TRIM14: variants seen among roughly 807,000 people sequenced by gnomAD.
TRIM14 encodes the protein tripartite motif containing 14.
Under a neutral mutation model 44.5 loss-of-function variants are expected in TRIM14, and 28 were observed. The observed-to-expected ratio is 0.63, with a 90% confidence interval of 0.47 to 0.86. The LOEUF is 0.86. Among genes scored for constraint, TRIM14 ranks in the 40% least tolerant of loss-of-function variants. TRIM14 has a pLI of 0.00. For synonymous variants in TRIM14, 299 were observed against 269.2 expected, an observed-to-expected ratio of 1.11 and a Z score of -1.08; for missense variants, 607 against 611.1, an observed-to-expected ratio of 0.99 and a Z score of 0.07.
At chr9:98,056,707 G>A in the TRIM14 span, 14 of 1,467,906 alleles carry the variant, frequency 9.5e-6, no homozygotes, top group Non-Finnish European at 1.3e-5. Context: ...GGCGGGGCTG[G>A]CGTGTGGGTC....
At chr9:98,077,986 C>CG (rs1479011936) in intron 6 of TRIM14, 17 of 616,868 alleles carry the variant, frequency 2.8e-5, no homozygotes, top group African/African-American at 5.5e-5. Flanking sequence ...AGAACACTGT[C>CG]GGGGGGCAGA....
chr9:98,092,395 T>A (rs940339742), intron 4 of TRIM14: 2 of 242,778 alleles, frequency 8.2e-6, no homozygotes, highest in Non-Finnish European at 1.7e-5. Flanking sequence ...CCCAGGGCCC[T>A]TGGCACTTGC....
downstream of TRIM14, among the ~76,000 whole-genome samples, chr9:98,079,671 AAC>A (rs764587069): frequency 1.9e-4 from 29 of 152,190 alleles, no homozygotes; most frequent in South Asian, 2.1e-4. Context: ...TCCGATAATT[AAC>A]AGTTTAGTAG....
chr9:98,107,379 C>A (rs1275899716), intron 2 of TRIM14, among the ~76,000 whole-genome samples: 1 of 152,066 alleles, frequency 6.6e-6, no homozygotes. Flanking sequence ...CTAGACTGTA[C>A]CAAACAGCCT....
At chr9:98,038,829 T>C in the TRIM14 span, among the ~76,000 whole-genome samples, 1 of 151,980 alleles carries the variant, frequency 6.6e-6, no homozygotes, top group African/African-American at 2.4e-5. Flanking sequence ...GGCAGGCGGA[T>C]TATGAGGTCA....
chr9:98,098,604 C>T (rs1430015713), intron 3 of TRIM14, among the ~76,000 whole-genome samples: 3 of 151,842 alleles, frequency 2.0e-5, no homozygotes, highest in East Asian at 3.9e-4. Flanking sequence ...CCCAGCTACT[C>T]GGGAGGCTGA....
intron 2 of TRIM14, among the ~76,000 whole-genome samples, chr9:98,109,147 G>T (rs2118606764): frequency 6.6e-6 from 1 of 152,238 alleles, no homozygotes; most frequent in Non-Finnish European, 1.5e-5. Context: ...GCCTCCCAAA[G>T]TGCAGAGCAG....
chr9:98,078,265 C>T (rs752721170), intron 6 of TRIM14: 1 of 1,614,006 alleles, frequency 6.2e-7, no homozygotes, highest in South Asian at 1.1e-5. Flanking sequence ...ATCGTGAAGC[C>T]CCTCAACCCC....
chr9:98,113,707 T>A (rs1042368554), intron 1 of TRIM14, among the ~76,000 whole-genome samples: 1 of 152,172 alleles, frequency 6.6e-6, no homozygotes, highest in Non-Finnish European at 1.5e-5. Context: ...GTAGAATTAA[T>A]AAGAGACGGT....
chr9:98,099,452 C>CAAAAAA (rs768209860), intron 3 of TRIM14, among the ~76,000 whole-genome samples: 2 of 36,808 alleles, frequency 5.4e-5, no homozygotes, highest in African/African-American at 1.0e-4. Flanking sequence ...AACTCCATCT[C>CAAAAAA]AAAAAAAAAA....
intron 2 of TRIM14, among the ~76,000 whole-genome samples, chr9:98,106,995 T>A (rs1231982398): frequency 6.6e-6 from 1 of 152,092 alleles, no homozygotes; most frequent in Non-Finnish European, 1.5e-5. Context: ...CCTGGATGAT[T>A]TTTTAGTTTT....
downstream of TRIM14, among the ~76,000 whole-genome samples, chr9:98,064,398 C>T (rs1362364876): frequency 1.3e-5 from 2 of 152,004 alleles, no homozygotes; most frequent in Admixed American, 6.6e-5. Flanking sequence ...GGATTACAGG[C>T]GCCTGCCACC....
chr9:98,083,129 A>G, downstream of TRIM14: 1 of 1,441,094 alleles, frequency 6.9e-7, no homozygotes, highest in Non-Finnish European at 9.5e-7. Flanking sequence ...AGGCGAGGGC[A>G]GGAATGGCGG....
downstream of TRIM14, among the ~76,000 whole-genome samples, chr9:98,066,329 T>C (rs750482021): frequency 2.0e-5 from 3 of 152,186 alleles, no homozygotes; most frequent in South Asian, 2.1e-4. Flanking sequence ...CAAATGTTAT[T>C]TGTCCTTTCC....
At chr9:98,046,718 C>T in the TRIM14 span, among the ~76,000 whole-genome samples, 4 of 151,948 alleles carry the variant, frequency 2.6e-5, no homozygotes, top group East Asian at 1.9e-4. Context: ...GGATTACAGG[C>T]GTGAGCCACT....
At position 98,086,993 on chromosome 9, in the gene TRIM14, G is replaced by A. The variant is rs1825796647; in HGVS notation, c.*477C>T. The A allele has an allele frequency of 3.6e-6, 1 of 274,136 alleles. No individual in the cohort carries two copies. The highest frequency in any genetic ancestry group is 1.1e-4 in the East Asian group (1 of 9,416). 17.0% of individuals were successfully genotyped at this position (274,136 alleles called of 1,614,324 possible). A position where few individuals can be genotyped will look rare whatever the true frequency, so the allele number is the denominator to read the frequency against. The stretch of plus-strand genomic sequence containing the variant: ...CTGGAGGGAGCTGTGATGTGGACAC[G>A]CTGAAATCGGTGGGGAGGAAGCGGA... On this transcript the variant is annotated 3_prime_UTR_variant, in exon 6 of 6. Transcript: ENST00000341469.
At chr9:98,103,054 C>G (rs1021530089) in intron 2 of TRIM14, among the ~76,000 whole-genome samples, 1 of 151,838 alleles carries the variant, frequency 6.6e-6, no homozygotes, top group South Asian at 2.1e-4. Context: ...GGGCGTGTGG[C>G]GGGCGCCTGT....
At chr9:98,066,389 G>A (rs536349058), downstream of TRIM14, among the ~76,000 whole-genome samples, 1 of 152,270 alleles carries the variant, frequency 6.6e-6, no homozygotes, top group East Asian at 1.9e-4. Context: ...GCTAGGTGAT[G>A]TGTGATGACA....
the TRIM14 span, among the ~76,000 whole-genome samples, chr9:98,054,511 C>T: frequency 6.6e-6 from 1 of 152,108 alleles, no homozygotes; most frequent in African/African-American, 2.4e-5. Context: ...TCAGACACCC[C>T]ATAATGGGGC....
Sources: allele counts gnomAD v4.1 joint callset (sites outside exome capture counted in the v4.1 genomes callset), GRCh38; gene constraint gnomAD v4.1.1; transcripts MANE v1.5; gene names NCBI Gene and HGNC (gene_info 2026-07-23, HGNC 2026-07-21).